Variants in SMC2 observed in about 807,000 individuals in gnomAD.
SMC2 encodes the protein structural maintenance of chromosomes 2.
Under a neutral mutation model 142.6 loss-of-function variants are expected in SMC2, and 41 were observed. The ratio of observed to expected loss-of-function variants is 0.29; its 90% CI spans 0.22 to 0.37. The LOEUF is 0.37. Among genes scored for constraint, SMC2 ranks in the 10% least tolerant of loss-of-function variants. The pLI is 1.00. For synonymous variants in SMC2, 463 were observed against 457.5 expected, an observed-to-expected ratio of 1.01 and a Z score of -0.15; for missense variants, 1,265 against 1,373.7, an observed-to-expected ratio of 0.92 and a Z score of 1.25.
intron 10 of SMC2, among the ~76,000 whole-genome samples, chr9:104,112,707 T>TA (rs1483155856): frequency 2.0e-5 from 3 of 152,304 alleles, no homozygotes; most frequent in Admixed American, 2.0e-4. Flanking sequence ...TACCCCCATC[T>TA]AAAACCCCAT....
intron 24 of SMC2, 55 bp from the exon 25 acceptor site, chr9:104,139,083 TA>T: frequency 8.1e-7 from 1 of 1,234,486 alleles, no homozygotes; most frequent in Non-Finnish European, 1.1e-6. Context: ...TATAAAGGAG[TA>T]AACTTCAAGT....
At chr9:104,119,809 T>C (rs1338458272) in intron 15 of SMC2, among the ~76,000 whole-genome samples, 1 of 152,160 alleles carries the variant, frequency 6.6e-6, no homozygotes, top group Non-Finnish European at 1.5e-5. Flanking sequence ...AAGGCAGTGG[T>C]TATTTTGAAT....
At position 104,132,198 on chromosome 9, in the gene SMC2, G is replaced by A. The variant is rs190424551; in HGVS notation, c.3108+73G>A. ...TCATCAGTGGAGTTATACTCTATAA[G>A]AAATTTGAAATAGCTGATCTATGTT... On this transcript the variant is annotated intron_variant, in intron 22 of 24. Transcript: ENST00000374793. 207 of 768,318 alleles carry A rather than the reference G, an allele frequency of 2.7e-4. No homozygotes were observed. The African/African-American group carries it at 3.4e-3, about 13-fold the overall frequency. 47.6% of individuals were successfully genotyped at this position (768,318 alleles called of 1,614,324 possible). A position where few individuals can be genotyped will look rare whatever the true frequency, so the allele number is the denominator to read the frequency against.
At chr9:104,101,628 A>G (rs1831133108) in intron 7 of SMC2, among the ~76,000 whole-genome samples, 1 of 152,204 alleles carries the variant, frequency 6.6e-6, no homozygotes, top group East Asian at 1.9e-4. Context: ...TAGAGTAGGC[A>G]TCTTGATACT....
At chr9:104,092,802 C>T (rs1830032986), upstream of SMC2, 1 of 152,164 alleles carries the variant, frequency 6.6e-6, no homozygotes, top group African/African-American at 2.4e-5. Flanking sequence ...CATTGCCATT[C>T]CAGGGCCAAG....
chr9:104,095,043 C>T (rs910428602), intron 1 of SMC2, among the ~76,000 whole-genome samples: 1 of 152,038 alleles, frequency 6.6e-6, no homozygotes, highest in Non-Finnish European at 1.5e-5. Context: ...TGTAATAATC[C>T]ATAGTCTTTG....
chr9:104,114,636 T>TAA, intron 12 of SMC2, 55 bp from the exon 13 acceptor site: 3 of 1,462,380 alleles, frequency 2.1e-6, no homozygotes, highest in Non-Finnish European at 2.8e-6. Context: ...GAGTAAAGTA[T>TAA]AACTTTTTCT....
intron 3 of SMC2, 81 bp downstream of exon 3, chr9:104,096,378 T>G (rs1830447233): frequency 7.2e-7 from 1 of 1,382,014 alleles, no homozygotes; most frequent in South Asian, 1.3e-5. Flanking sequence ...TTGCAAAACG[T>G]GCTAGAGAAA....
At position 104,126,574 on chromosome 9, in the gene SMC2, T is replaced by G. The variant is rs777564982; in HGVS notation, c.2452-67T>G. ...ATGAGATTATTATTTATTTAATTGT[T>G]CTGTACATATTTGTTTTTCAGTAGT... On this transcript the variant is annotated intron_variant, in intron 18 of 24. Transcript: ENST00000374793. 401 of 1,182,510 alleles carry G rather than the reference T, an allele frequency of 3.4e-4. 3 individuals carry two copies. Among genetic ancestry groups the G allele is most frequent in the Non-Finnish European group, 3.5e-4 (290 of 838,664 alleles). 73.3% of individuals were successfully genotyped at this position (1,182,510 alleles called of 1,614,324 possible).
At chr9:104,102,279 C>T in intron 8 of SMC2, 86 bp downstream of exon 8, 1 of 1,059,978 alleles carries the variant, frequency 9.4e-7, no homozygotes, top group Non-Finnish European at 1.4e-6. Flanking sequence ...ATTCATTGGG[C>T]ATTGTCTTCC....
At chr9:104,118,747 CTT>C (rs1833404550) in intron 15 of SMC2, among the ~76,000 whole-genome samples, 1 of 152,084 alleles carries the variant, frequency 6.6e-6, no homozygotes, top group Admixed American at 6.6e-5. Flanking sequence ...CCATATGTGA[CTT>C]TTTACATTTA....
At chr9:104,129,260 T>C (rs1447857803) in intron 20 of SMC2, among the ~76,000 whole-genome samples, 4 of 152,128 alleles carry the variant, frequency 2.6e-5, no homozygotes, top group Admixed American at 1.3e-4. Context: ...CCCAGCACTT[T>C]GGGAGGCCGA....
At chr9:104,108,994 G>GCCATTATTCAGGCC (rs1430238987) in intron 9 of SMC2, among the ~76,000 whole-genome samples, 1 of 152,104 alleles carries the variant, frequency 6.6e-6, no homozygotes, top group Non-Finnish European at 1.5e-5. Context: ...ATAGAGTATG[G>GCCATTATTCAGGCC]ATTATTCAGG....
chr9:104,116,417 C>T (rs929974614), intron 14 of SMC2, 98 bp downstream of exon 14: 1 of 1,156,308 alleles, frequency 8.6e-7, no homozygotes, highest in African/African-American at 1.6e-5. Flanking sequence ...ATATGCAGAA[C>T]CACAAAATTA....
Position 104,113,392 on chromosome 9 carries a change from A to T in SMC2, c.1331A>T (p.Tyr444Phe). ...GAAGTTAAGAAGATGGATAGTGGCT[A>T]CAGGAAGGATCAAGAAGCTCTAGAA... ...QAEVKKMDSG[Y>F]RKDQEALEAV... Residue 444 changes from tyrosine (Y) to phenylalanine (F), a missense_variant, in exon 11 of 25, where the codon TAC becomes TTC. Around this residue, in one of 4 missense-constraint regions of SMC2, gnomAD observed 898 missense variants for 904.2 expected, o/e 0.99. Transcript: ENST00000374793. 3 of 1,612,298 alleles carry T rather than the reference A, an allele frequency of 1.9e-6. No homozygotes were observed. Among genetic ancestry groups the T allele is most frequent in the Non-Finnish European group, 2.5e-6 (3 of 1,178,880 alleles).
chr9:104,123,929 T>C (rs1833996942), intron 17 of SMC2, among the ~76,000 whole-genome samples: 1 of 152,228 alleles, frequency 6.6e-6, no homozygotes, highest in Non-Finnish European at 1.5e-5. Context: ...TAGGACAATA[T>C]CCACACATGT....
At chr9:104,124,094 CTTTTA>C (rs909148423) in intron 17 of SMC2, among the ~76,000 whole-genome samples, 180 of 152,132 alleles carry the variant, frequency 1.2e-3, no homozygotes, top group African/African-American at 4.1e-3. Context: ...CAGTATTGCC[CTTTTA>C]TTTATTTTTT....
chr9:104,120,653 A>G (rs1254306666), intron 16 of SMC2, among the ~76,000 whole-genome samples: 1 of 152,238 alleles, frequency 6.6e-6, no homozygotes, highest in Non-Finnish European at 1.5e-5. Flanking sequence ...TATCAGCACT[A>G]AAATTTCAGT....
chr9:104,129,362 C>T (rs745563878), intron 20 of SMC2, among the ~76,000 whole-genome samples: 2 of 151,954 alleles, frequency 1.3e-5, no homozygotes, highest in Non-Finnish European at 2.9e-5. Flanking sequence ...ATTAGCTGGG[C>T]GTGGTGGTAC....
Sources: gnomAD v4.1 joint callset for allele counts (sites outside exome capture counted in the v4.1 genomes callset) on GRCh38, gnomAD v4.1.1 for gene constraint, gnomAD v4.1.1 regional missense constraint, MANE v1.5 for transcripts, NCBI Gene and HGNC (gene_info 2026-07-23, HGNC 2026-07-21) for gene names.